Variants in RPS12 observed in about 807,000 individuals in gnomAD.
The protein encoded by RPS12 is small ribosomal subunit protein eS12.
RPS12 carries 1 observed loss-of-function variant against 17.2 expected under a neutral mutation model. The observed-to-expected ratio is 0.06, with a 90% CI of 0.02 to 0.28. RPS12 has a LOEUF of 0.28. RPS12 is among the 10% of genes least tolerant of loss of function. The pLI is 1.00. For missense variants in RPS12, 146 were observed against 162.1 expected (o/e 0.90, Z 0.54); for synonymous variants, 67 against 54.0 (o/e 1.24, Z -1.06).
intron 2 of RPS12, 76 bp from the exon 3 acceptor site, chr6:132,814,896 A>C (rs555878016): frequency 2.1e-6 from 3 of 1,409,132 alleles, no homozygotes; most frequent in African/African-American, 2.8e-5. Flanking sequence ...TCTGTTGTAC[A>C]CTTAGCTTTT....
intron 3 of RPS12, chr6:132,816,199 C>T (rs1782057846): frequency 1.8e-6 from 1 of 543,492 alleles, no homozygotes; most frequent in East Asian, 3.1e-5. Flanking sequence ...GGGTTTTGGC[C>T]AGAAGTTTTA....
chr6:132,815,523 G>C (rs185994911), intron 3 of RPS12: 1 of 414,038 alleles, frequency 2.4e-6, no homozygotes, highest in Non-Finnish European at 4.8e-6. Context: ...GGTCCTAGAT[G>C]AATTTAGTAG....
At position 132,814,964 on chromosome 6, in the gene RPS12, C is replaced by T. The variant is rs143874096; in HGVS notation, c.15-8C>T. 10 of 1,574,272 alleles carry T rather than the reference C, an allele frequency of 6.4e-6. No homozygotes were observed. In the East Asian group the frequency reaches 1.6e-4, roughly 25 times the overall value. ...TTTAACTGATGGTTCTGATGTGTCG[C>T]GTTTAAGCATTGCTGCTGGAGGTGT... On this transcript the variant is annotated splice_polypyrimidine_tract_variant and splice_region_variant and intron_variant, in intron 2 of 5. Coordinates refer to ENST00000230050, the MANE Select transcript of RPS12 (RefSeq NM_001016.4).
At chr6:132,814,874 G>T in intron 2 of RPS12, 92 bp downstream of exon 2, 1 of 1,432,620 alleles carries the variant, frequency 7.0e-7, no homozygotes, top group African/African-American at 1.4e-5. Context: ...CAAACGGGTC[G>T]CCGTAAGCGC....
At chr6:132,815,132 C>T in intron 3 of RPS12, 44 bp downstream of exon 3, 1 of 1,216,068 alleles carries the variant, frequency 8.2e-7, no homozygotes, top group Non-Finnish European at 1.2e-6. Context: ...GCAACCGGAA[C>T]AAAACTGCCA....
chr6:132,815,105 C>G lies in RPS12; in HGVS notation c.131+17C>G, dbSNP rs763362468. On this transcript the variant is annotated intron_variant, in intron 3 of 5. Transcript: ENST00000230050. ...CTTAGACAAGTACGTGTATCAGTCTCAATACTGTGGGTTCTTGCAACCGGA... is the reference window on the plus strand; with the variant it reads ...CTTAGACAAGTACGTGTATCAGTCTGAATACTGTGGGTTCTTGCAACCGGA... The G allele has an allele frequency of 7.3e-6, 11 of 1,498,058 alleles. No individual in the cohort carries two copies. Among genetic ancestry groups the G allele is most frequent in the South Asian group, 6.8e-5 (6 of 88,710 alleles). 92.8% of individuals were successfully genotyped at this position (1,498,058 alleles called of 1,614,324 possible).
Position 132,814,621 on chromosome 6 carries a change from G to C in RPS12, c.-38+8G>C, listed in dbSNP as rs147019054. 1.4e-5 allele frequency: 14 copies of C among 997,924 alleles called. No homozygotes were observed. The Admixed American group carries it at 2.2e-4, about 16-fold the overall frequency. 61.8% of individuals were successfully genotyped at this position (997,924 alleles called of 1,614,324 possible). A position where few individuals can be genotyped will look rare whatever the true frequency, so the allele number is the denominator to read the frequency against. On this transcript the variant is annotated splice_region_variant and intron_variant, in intron 1 of 5. Transcript: ENST00000230050. Reference sequence around the variant, plus strand: ...CGGAGGCGGAGGCTTGGGGTAAGTTGAGCGAGGCGGCAGGGGGGTGTATTG... The same window carrying C: ...CGGAGGCGGAGGCTTGGGGTAAGTTCAGCGAGGCGGCAGGGGGGTGTATTG...
chr6:132,814,688 A>G, intron 1 of RPS12, 44 bp from the exon 2 acceptor site: 1 of 1,494,922 alleles, frequency 6.7e-7, no homozygotes, highest in Non-Finnish European at 9.3e-7. Context: ...GGGATTCGTG[A>G]CGAGTATCTG....
At chr6:132,817,370 T>C (rs1782086763) in intron 5 of RPS12, 110 bp from the exon 6 acceptor site, 4 of 855,506 alleles carry the variant, frequency 4.7e-6, no homozygotes, top group Non-Finnish European at 8.0e-6. Context: ...TGGGAAACAT[T>C]TTTATAAGAC....
Position 132,816,966 on chromosome 6 carries a change from G to A in RPS12, c.241G>A (p.Asp81Asn). 2 of 1,593,890 alleles carry A rather than the reference G, an allele frequency of 1.3e-6. No individual in the cohort carries two copies. Among genetic ancestry groups the A allele is most frequent in the South Asian group, 2.2e-5 (2 of 90,710 alleles). ...EHQINLIKVD[D>N]NKKLGEWVGL... is the part of the protein sequence containing the mutation. ...TTAACCTTTCTCCCAATAGGTTGAT[G>A]ACAACAAGAAACTAGGAGAATGGGT... The change falls in exon 5 of 6, where the codon GAC becomes AAC. Residue 81 changes from aspartate (D) to asparagine (N), a missense_variant. Around this residue, in one of 2 missense-constraint regions of RPS12, gnomAD observed 117 missense variants for 104.6 expected, o/e 1.12. Transcript: ENST00000230050.
intron 3 of RPS12, 136 bp downstream of exon 3, chr6:132,815,224 G>T: frequency 1.3e-6 from 1 of 747,562 alleles, no homozygotes; most frequent in Non-Finnish European, 2.5e-6. Flanking sequence ...CCTAGGAAAA[G>T]GTATCAGAAC....
chr6:132,817,512 C>T lies in RPS12; in HGVS notation c.369C>T (p.Val123=), dbSNP rs1398542175. 1.4e-5 allele frequency: 23 copies of T among 1,611,294 alleles called. No individual in the cohort carries two copies. The highest frequency in any genetic ancestry group is 2.2e-5 in the East Asian group (1 of 44,864). Residue 123 remains valine, a synonymous_variant, in exon 6 of 6, where the codon GTC becomes GTT. Coordinates refer to ENST00000230050, the MANE Select transcript of RPS12 (RefSeq NM_001016.4). ...DYGKESQAKD[V]IEEYFKCKK is the part of the protein sequence containing the mutation. ...GCAAGGAGTCTCAGGCCAAGGATGTCATTGAAGAGTATTTCAAATGCAAGA... is the reference window on the plus strand; with the variant it reads ...GCAAGGAGTCTCAGGCCAAGGATGTTATTGAAGAGTATTTCAAATGCAAGA...
intron 3 of RPS12, chr6:132,815,289 A>C: frequency 1.4e-6 from 1 of 738,962 alleles, no homozygotes. Flanking sequence ...AATGGGGATA[A>C]GCACTCAAAA....
intron 3 of RPS12, chr6:132,815,758 A>G (rs1782038286): frequency 2.2e-6 from 1 of 456,308 alleles, no homozygotes; most frequent in Non-Finnish European, 4.4e-6. Context: ...AGGTCCTAGT[A>G]TGAGTCTTCT....
At chr6:132,814,926 G>T in intron 2 of RPS12, 46 bp from the exon 3 acceptor site, 1 of 1,437,704 alleles carries the variant, frequency 7.0e-7, no homozygotes, top group Non-Finnish European at 9.8e-7. Flanking sequence ...AAGGCCTTAT[G>T]TGGTGTGAGG....
At chr6:132,815,251 C>T in intron 3 of RPS12, 163 bp downstream of exon 3, 2 of 748,326 alleles carry the variant, frequency 2.7e-6, no homozygotes, top group South Asian at 1.4e-5. Flanking sequence ...CTATAAAGCC[C>T]ACTTAAAATG....
intron 3 of RPS12, chr6:132,816,131 G>C (rs950542597): frequency 2.0e-5 from 8 of 395,850 alleles, no homozygotes; most frequent in Non-Finnish European, 3.8e-5. Context: ...ATCGTGCCCG[G>C]CCTTTCACAT....
chr6:132,815,906 G>T (rs900031282), intron 3 of RPS12: 2 of 452,062 alleles, frequency 4.4e-6, no homozygotes, highest in Admixed American at 2.4e-5. Flanking sequence ...GCAGTGGCGC[G>T]ATCTCATTGC....
At position 132,816,448 on chromosome 6, in the gene RPS12, AT is replaced by A; in HGVS notation, c.132-10del. ...GAGTTTTAGCTCCATTTTCATTGTA[AT>A]TTGAATTTCAGGCGCCAAGCCCATC... On this transcript the variant is annotated splice_polypyrimidine_tract_variant and intron_variant, in intron 3 of 5. Coordinates refer to ENST00000230050, the MANE Select transcript of RPS12 (RefSeq NM_001016.4). 6.3e-7 allele frequency: 1 copy of A among 1,595,318 alleles called. No individual in the cohort carries two copies.
Sources: gnomAD v4.1 joint callset for allele counts on GRCh38, gnomAD v4.1.1 for gene constraint, gnomAD v4.1.1 regional missense constraint, MANE v1.5 for transcripts, NCBI Gene and HGNC (gene_info 2026-07-23, HGNC 2026-07-21) for gene names.